GDPD5: variants seen among roughly 807,000 people sequenced by gnomAD.
The protein encoded by GDPD5 is glycerophosphodiester phosphodiesterase domain containing 5, also known as glycerophosphodiester phosphodiesterase 2.
Under a neutral mutation model 75.1 loss-of-function variants are expected in GDPD5, and 48 were observed. That is an observed-to-expected ratio of 0.64 (90% CI 0.51 to 0.81). GDPD5 has a LOEUF of 0.81. Ranked by LOEUF, GDPD5 falls within the 40% of genes least tolerant of loss-of-function variation. The pLI, the probability that GDPD5 is intolerant of heterozygous loss-of-function variation, is 0.00. For missense variants in GDPD5, 706 were observed against 822.6 expected, an observed-to-expected ratio of 0.86 and a Z score of 1.73; for synonymous variants, 336 against 339.0, an observed-to-expected ratio of 0.99 and a Z score of 0.10.
At chr11:75,516,345 C>G (rs1029633783) in intron 1 of GDPD5, among the ~76,000 whole-genome samples, 1 of 152,188 alleles carries the variant, frequency 6.6e-6, no homozygotes, top group Non-Finnish European at 1.5e-5. Flanking sequence ...TGCACTATCC[C>G]GTGTTGATTT....
intron 2 of GDPD5, among the ~76,000 whole-genome samples, chr11:75,484,824 T>C (rs534487299): frequency 6.6e-6 from 1 of 152,360 alleles, no homozygotes; most frequent in Non-Finnish European, 1.5e-5. Context: ...TAGCACTTGC[T>C]GCTGGGTGGT....
Position 75,449,075 on chromosome 11 carries a change from G to C in GDPD5, c.616C>G (p.Leu206Val). The change falls in exon 9 of 17, where the codon CTC (leucine) becomes GTC (valine). Residue 206 changes from leucine (L) to valine (V), a missense_variant. By Grantham distance (32) the Leu-to-Val change is conservative (BLOSUM62 1). Coordinates refer to ENST00000336898, the MANE Select transcript of GDPD5 (RefSeq NM_030792.8). ...GAGATGGTGAGAGGGGCCAGGTAGA[G>C]GGCAAACACCACGGTGAAGAAGGTA... ...LCTFFTVVFA[L>V]YLAPLTISSP... 6.2e-7 allele frequency: 1 copy of C among 1,606,676 alleles called. No individual in the cohort carries two copies. The highest frequency in any genetic ancestry group is 8.5e-7 in the Non-Finnish European group (1 of 1,177,424).
chr11:75,477,660 G>A lies in GDPD5; in HGVS notation c.76C>T (p.Arg26Cys), dbSNP rs1464619610. The stretch of plus-strand genomic sequence containing the variant: ...TGGGAGCGCTGGTAGCGCTTCCAAC[G>A]GCAGCCGTAGATGCCCGTGAGGCAG... Reference protein sequence around the residue: ...LSCLTGIYGCRWKRYQRSHDD... With the variant: ...LSCLTGIYGCCWKRYQRSHDD... Residue 26 changes from arginine to cysteine, a missense_variant, in exon 3 of 17, where the codon CGT becomes TGT. Physicochemically the swap from Arg to Cys is radical, Grantham distance 180 (BLOSUM62 -3). Transcript: ENST00000336898. 11 of 1,599,546 alleles carry A rather than the reference G, an allele frequency of 6.9e-6. No individual in the cohort carries two copies. Among genetic ancestry groups the A allele is most frequent in the African/African-American group, 2.7e-5 (2 of 74,858 alleles).
At chr11:75,448,517 G>A (rs1949045867) in intron 9 of GDPD5, 3 of 987,322 alleles carry the variant, frequency 3.0e-6, no homozygotes, top group South Asian at 9.4e-5. Flanking sequence ...GGGCTATGGA[G>A]TGCACTGGTG....
chr11:75,457,772 C>A lies in GDPD5; in HGVS notation c.236G>T (p.Arg79Leu), dbSNP rs202061938. ...GGGCCAGTCGCTCCAGTAGCCCATG[C>A]GGTTGTAGAGGTACCTGCCAGGAGG... ...YDEFNWYLYNRMGYWSDWPVP... is the reference protein window; with the variant it reads ...YDEFNWYLYNLMGYWSDWPVP... Residue 79 changes from arginine to leucine, a missense_variant, in exon 5 of 17, where the codon CGC (arginine) becomes CTC (leucine). Arg to Leu is a moderately radical substitution (Grantham distance 102). Coordinates refer to ENST00000336898, the MANE Select transcript of GDPD5 (RefSeq NM_030792.8). The A allele has an allele frequency of 1.9e-6, 3 of 1,613,872 alleles. No individual in the cohort carries two copies. The highest frequency in any genetic ancestry group is 1.7e-4 in the Middle Eastern group (1 of 6,060).
chr11:75,507,238 G>A (rs1430151852), intron 1 of GDPD5: 1 of 152,360 alleles, frequency 6.6e-6, no homozygotes, highest in Non-Finnish European at 1.5e-5. Context: ...CGGACATGGG[G>A]AGGCTGGGTG....
chr11:75,465,934 CA>C (rs1434603473), intron 3 of GDPD5, among the ~76,000 whole-genome samples: 1 of 152,232 alleles, frequency 6.6e-6, no homozygotes, highest in Non-Finnish European at 1.5e-5. Flanking sequence ...GCAAGGCTGA[CA>C]GGGGGCCAGG....
intron 3 of GDPD5, among the ~76,000 whole-genome samples, chr11:75,471,995 C>T (rs1028327966): frequency 1.3e-5 from 2 of 152,114 alleles, no homozygotes; most frequent in African/African-American, 2.4e-5. Context: ...TCACCCCTGC[C>T]GGGTCTCTTT....
intron 1 of GDPD5, among the ~76,000 whole-genome samples, chr11:75,503,778 G>T (rs972415198): frequency 5.3e-5 from 8 of 152,228 alleles, no homozygotes; most frequent in Non-Finnish European, 1.0e-4. Flanking sequence ...ACAGCCCTGG[G>T]GAAAGTCAGG....
At chr11:75,468,092 T>C (rs1455496152) in intron 3 of GDPD5, among the ~76,000 whole-genome samples, 1 of 152,176 alleles carries the variant, frequency 6.6e-6, no homozygotes, top group East Asian at 1.9e-4. Context: ...ATGGCTCTGC[T>C]GCTGCCTTTT....
intron 1 of GDPD5, among the ~76,000 whole-genome samples, chr11:75,521,579 C>G (rs1432810014): frequency 1.3e-5 from 2 of 152,174 alleles, no homozygotes; most frequent in African/African-American, 4.8e-5. Flanking sequence ...GATATCATCA[C>G]TGTAGTATTG....
intron 1 of GDPD5, among the ~76,000 whole-genome samples, chr11:75,500,832 G>A (rs1950292344): frequency 6.6e-6 from 1 of 152,084 alleles, no homozygotes; most frequent in Admixed American, 6.5e-5. Context: ...AGTGCCATCT[G>A]ACGCCAAGCC....
At chr11:75,446,396 C>T (rs1948988311) in intron 9 of GDPD5, among the ~76,000 whole-genome samples, 1 of 152,182 alleles carries the variant, frequency 6.6e-6, no homozygotes, top group South Asian at 2.1e-4. Context: ...TAGTCCCCGT[C>T]TCAGAGCTCG....
chr11:75,505,433 T>C (rs1009287840), intron 1 of GDPD5, among the ~76,000 whole-genome samples: 1 of 151,870 alleles, frequency 6.6e-6, no homozygotes, highest in Non-Finnish European at 1.5e-5. Flanking sequence ...TTTCCTACTA[T>C]GTGCTCCCAG....
intron 1 of GDPD5, among the ~76,000 whole-genome samples, chr11:75,521,305 A>C (rs1941446439): frequency 6.6e-6 from 1 of 152,206 alleles, no homozygotes; most frequent in East Asian, 1.9e-4. Context: ...TTACACACAA[A>C]GTATGCTTTC....
At chr11:75,459,334 ATTTTT>A (rs34572465) in intron 4 of GDPD5, among the ~76,000 whole-genome samples, 2 of 140,012 alleles carry the variant, frequency 1.4e-5, no homozygotes. Context: ...AAGAGAATGA[ATTTTT>A]TTTTTTTTTT....
chr11:75,503,945 GGACAA>G (rs1465337768), intron 1 of GDPD5, among the ~76,000 whole-genome samples: 10 of 152,330 alleles, frequency 6.6e-5, no homozygotes, highest in Middle Eastern at 3.4e-3. Context: ...TCCCTCCTAA[GGACAA>G]GGCTTGCGGA....
intron 1 of GDPD5, among the ~76,000 whole-genome samples, chr11:75,502,335 C>T (rs867913497): frequency 6.6e-6 from 1 of 152,320 alleles, no homozygotes; most frequent in Non-Finnish European, 1.5e-5. Context: ...CCCTCAATAC[C>T]CAAATGGGAA....
At chr11:75,478,382 G>C (rs1949827063) in intron 2 of GDPD5, among the ~76,000 whole-genome samples, 1 of 152,168 alleles carries the variant, frequency 6.6e-6, no homozygotes, top group South Asian at 2.1e-4. Context: ...CTGACATCAG[G>C]TTATCCACCT....
Sources: gnomAD v4.1 joint callset for allele counts (sites outside exome capture counted in the v4.1 genomes callset) on GRCh38, gnomAD v4.1.1 for gene constraint, MANE v1.5 for transcripts, NCBI Gene and HGNC (gene_info 2026-07-23, HGNC 2026-07-21) for gene names.